The following ZHX2 variants were observed in gnomAD, a reference collection of about 807,000 sequenced individuals.
ZHX2 encodes zinc fingers and homeoboxes protein 2.
Under a neutral mutation model 21.9 loss-of-function variants are expected in ZHX2, and 6 were observed. That is an observed-to-expected ratio of 0.27 (90% confidence interval 0.15 to 0.54). The LOEUF (loss-of-function observed/expected upper bound fraction) is 0.54. Among genes scored for constraint, ZHX2 ranks in the 20% least tolerant of loss-of-function variants. The pLI is 0.95. For missense variants in ZHX2, 908 were observed against 1,090.7 expected (o/e 0.83, Z 2.36); for synonymous variants, 434 against 437.1 (o/e 0.99, Z 0.09).
At chr8:122,870,316 G>A (rs1304510560) in intron 2 of ZHX2, among the ~76,000 whole-genome samples, 1 of 152,024 alleles carries the variant, frequency 6.6e-6, no homozygotes, top group Non-Finnish European at 1.5e-5. Context: ...GGAGTGATAT[G>A]ATGCAACCTT....
chr8:122,866,160 T>C (rs1380289402), intron 2 of ZHX2, among the ~76,000 whole-genome samples: 5 of 152,194 alleles, frequency 3.3e-5, no homozygotes, highest in East Asian at 3.9e-4. Flanking sequence ...AAATATTCCA[T>C]TGATACAGAT....
intron 2 of ZHX2, among the ~76,000 whole-genome samples, chr8:122,909,249 G>A (rs1820418819): frequency 6.6e-6 from 1 of 152,026 alleles, no homozygotes; most frequent in Non-Finnish European, 1.5e-5. Flanking sequence ...TGGCCCACAG[G>A]GTGAAACCCC....
In ZHX2 at chr8:122,953,919, G is replaced by A. The variant is rs3802265; in HGVS notation, c.2409G>A (p.Ala803=). The A allele has an allele frequency of 3.1e-6, 5 of 1,613,826 alleles. No homozygotes were observed. Among genetic ancestry groups the A allele is most frequent in the South Asian group, 1.1e-5 (1 of 91,070 alleles). The change falls in exon 3 of 4, where the codon GCG becomes GCA. Residue 803 remains alanine, a synonymous_variant. Coordinates refer to ENST00000314393, the MANE Select transcript of ZHX2 (RefSeq NM_014943.5). This position sits in a 1 kb window ranked among gnomAD's most constrained non-coding sequence, Gnocchi z 4.6. ...AGGTGACGGTCGGGGAGGAGGATGC[G>A]ATCTCAGATAGATCAGATAGCTGGA... ...YVEVTVGEED[A]ISDRSDSWSQ... is the part of the protein sequence containing the mutation.
rs1217176340 is a variant in ZHX2, at chr8:122,973,460, C to G, written c.*223C>G. On this transcript the variant is annotated 3_prime_UTR_variant, in exon 4 of 4. Transcript: ENST00000314393. ...TCATAGTGCCAAAGTCCTACTACTG[C>G]GTTTTCAATGGGTCCTTGTACATAG... 2 of 152,696 alleles carry G rather than the reference C, an allele frequency of 1.3e-5. No homozygotes were observed. The highest frequency in any genetic ancestry group is 2.9e-5 in the Non-Finnish European group (2 of 68,098). The allele number at this position is 152,696 out of a possible 1,614,324, so 9.5% of individuals were successfully genotyped here.
intron 1 of ZHX2, among the ~76,000 whole-genome samples, chr8:122,812,970 C>T (rs764335435): frequency 6.6e-6 from 1 of 152,098 alleles, no homozygotes; most frequent in Non-Finnish European, 1.5e-5. Context: ...CCAAGGCAGG[C>T]GGTTCACCTG....
intron 1 of ZHX2, among the ~76,000 whole-genome samples, chr8:122,855,677 C>A (rs928339310): frequency 6.6e-6 from 1 of 151,824 alleles, no homozygotes; most frequent in Non-Finnish European, 1.5e-5. Flanking sequence ...AGAAGTTTAG[C>A]GAGAATCATT....
In ZHX2 at chr8:122,828,331, T is replaced by G. The variant is rs1160127476; in HGVS notation, c.-282-35146T>G. Reference sequence around the variant, plus strand: ...AGAGAAAGTATCTGTACAGTGCATGTGCGTGTGTGTGTTAGTGATATGGAG... The same window carrying G: ...AGAGAAAGTATCTGTACAGTGCATGGGCGTGTGTGTGTTAGTGATATGGAG... On this transcript the variant is annotated intron_variant, in intron 1 of 3. Transcript: ENST00000314393. This position sits in a 1 kb window ranked among gnomAD's most constrained non-coding sequence, Gnocchi z 5.2. Among the ~76,000 whole-genome samples, 1 of 152,148 alleles carries G rather than the reference T, an allele frequency of 6.6e-6. No homozygotes were observed. Among genetic ancestry groups the G allele is most frequent in the East Asian group, 1.9e-4 (1 of 5,192 alleles).
intron 1 of ZHX2, among the ~76,000 whole-genome samples, chr8:122,819,115 T>C (rs1436405031): frequency 6.6e-6 from 1 of 152,210 alleles, no homozygotes; most frequent in Non-Finnish European, 1.5e-5. Context: ...GAAGGCCAGA[T>C]GGGAGGCCAG....
intron 2 of ZHX2, among the ~76,000 whole-genome samples, chr8:122,904,634 C>A (rs376299195): frequency 6.6e-6 from 1 of 152,152 alleles, no homozygotes; most frequent in Admixed American, 6.5e-5. Flanking sequence ...AAATGGAGAA[C>A]CTGGACCCCT....
At chr8:122,880,899 C>T (rs1315852566) in intron 2 of ZHX2, among the ~76,000 whole-genome samples, 1 of 152,090 alleles carries the variant, frequency 6.6e-6, no homozygotes, top group Non-Finnish European at 1.5e-5. Context: ...CCCAATCGCC[C>T]GATCACTTTG....
chr8:122,956,737 T>C (rs1008338716), intron 3 of ZHX2, among the ~76,000 whole-genome samples: 1 of 152,216 alleles, frequency 6.6e-6, no homozygotes, highest in Admixed American at 6.5e-5. Context: ...GAACGAGTTA[T>C]GTTTGCTGAA....
rs558753493 is a variant in ZHX2 at position 122,793,937 on chromosome 8, C to T, written c.-283+11991C>T. On this transcript the variant is annotated intron_variant, in intron 1 of 3. Transcript: ENST00000314393. ...CCTGCTGGCACACCCTGAGTGTGGG[C>T]CATCTGTGCTATAGGGTCCTCTGTT... Among the ~76,000 whole-genome samples, 3 of 152,298 alleles carry T rather than the reference C, an allele frequency of 2.0e-5. No homozygotes were observed. The South Asian group carries it at 6.2e-4, about 32-fold the overall frequency.
intron 2 of ZHX2, among the ~76,000 whole-genome samples, chr8:122,891,270 T>TTGTG (rs59893492): frequency 0.011 from 837 of 77,546 alleles, 5 homozygotes; most frequent in South Asian, 0.016. Flanking sequence ...TCTTGGTAGA[T>TTGTG]TGTGTGTGTG....
chr8:122,902,875 A>G (rs2129949138), intron 2 of ZHX2, among the ~76,000 whole-genome samples: 1 of 152,330 alleles, frequency 6.6e-6, no homozygotes, highest in Non-Finnish European at 1.5e-5. Context: ...GAGCCCAAAC[A>G]GTTGCATCTT....
intron 1 of ZHX2, among the ~76,000 whole-genome samples, chr8:122,817,245 G>A (rs16897502): frequency 0.031 from 4,665 of 152,248 alleles, 83 homozygotes; most frequent in East Asian, 0.051. Context: ...CACAATGCCC[G>A]CGTGCTTTCC....
rs891534077 is a variant in ZHX2, at chr8:122,972,851, T to A, written c.*5-391T>A. 1.8e-4 allele frequency among the ~76,000 whole-genome samples: 28 copies of A among 152,084 alleles called. 1 individual carries two copies. Reference sequence around the variant, plus strand: ...GCCCTGCAGCCACTAAGGGGAGAAGTTAGGACCCAAATCCAGATTTGTCTG... The same window carrying A: ...GCCCTGCAGCCACTAAGGGGAGAAGATAGGACCCAAATCCAGATTTGTCTG... On this transcript the variant is annotated intron_variant, in intron 3 of 3. Coordinates refer to ENST00000314393, the MANE Select transcript of ZHX2 (RefSeq NM_014943.5).
At chr8:122,945,097 A>G (rs1812937042) in intron 2 of ZHX2, among the ~76,000 whole-genome samples, 1 of 152,142 alleles carries the variant, frequency 6.6e-6, no homozygotes, top group African/African-American at 2.4e-5. Flanking sequence ...CCAGCCCGCA[A>G]AACTGTGAGA....
chr8:122,807,092 C>T (rs537216761), intron 1 of ZHX2, among the ~76,000 whole-genome samples: 9 of 152,218 alleles, frequency 5.9e-5, no homozygotes, highest in African/African-American at 2.2e-4. Context: ...GTGGGAGCTG[C>T]TATTTTTGCT....
intron 1 of ZHX2, among the ~76,000 whole-genome samples, chr8:122,860,723 G>A (rs1171192962): frequency 6.6e-6 from 1 of 152,098 alleles, no homozygotes; most frequent in Non-Finnish European, 1.5e-5. Context: ...TACAAGAGCA[G>A]TTGCAGGCTT....
Sources: allele counts gnomAD v4.1 joint callset (sites outside exome capture counted in the v4.1 genomes callset), GRCh38; gene constraint gnomAD v4.1.1; non-coding constraint Gnocchi (gnomAD v3.1); transcripts MANE v1.5; gene names NCBI Gene and HGNC (gene_info 2026-07-23, HGNC 2026-07-21).